BPNT1: variants seen among roughly 807,000 people sequenced by gnomAD.
BPNT1 encodes the protein 3'(2'),5'-bisphosphate nucleotidase 1.
BPNT1 carries 28 observed loss-of-function variants against 36.9 expected under a neutral mutation model. The observed-to-expected ratio is 0.76, with a 90% CI of 0.56 to 1.04. BPNT1 has a LOEUF of 1.04. Among genes scored for constraint, BPNT1 ranks in the 50% least tolerant of loss-of-function variants. The probability of loss-of-function intolerance (pLI) is 0.00; values close to 1 mark genes in which losing one functional copy is unlikely to be tolerated. For synonymous variants in BPNT1, 119 were observed against 130.9 expected (o/e 0.91, Z 0.62); for missense variants, 313 against 372.9 (o/e 0.84, Z 1.32).
intron 5 of BPNT1, among the ~76,000 whole-genome samples, chr1:220,068,779 T>C (rs1255482095): frequency 6.6e-6 from 1 of 152,164 alleles, no homozygotes; most frequent in African/African-American, 2.4e-5. Context: ...CACTGCACTC[T>C]AGCCTGGGCA....
At chr1:220,079,409 C>T (rs1456807919) in intron 2 of BPNT1, among the ~76,000 whole-genome samples, 2 of 152,086 alleles carry the variant, frequency 1.3e-5, no homozygotes, top group East Asian at 1.9e-4. Flanking sequence ...CTCGCCACCA[C>T]GCCTGGCTAA....
Position 220,074,050 on chromosome 1 carries a change from T to C in BPNT1, c.142A>G (p.Thr48Ala). The C allele has an allele frequency of 6.2e-7, 1 of 1,613,932 alleles. No individual in the cohort carries two copies. Among genetic ancestry groups the C allele is most frequent in the Non-Finnish European group, 8.5e-7 (1 of 1,179,974 alleles). ...VEKTCATDLQTKADRLAQMSI... is the reference protein window; with the variant it reads ...VEKTCATDLQAKADRLAQMSI... ...ATCTGTGCCAATCGGTCAGCTTTGG[T>C]CTGCAGGTCTGTTGCACAGGTCTGT... is the stretch of plus-strand genomic sequence containing the variant. The change falls in exon 3 of 9, where the codon ACC becomes GCC. Residue 48 changes from threonine to alanine, a missense_variant. Coordinates refer to ENST00000322067, the MANE Select transcript of BPNT1 (RefSeq NM_006085.6).
At chr1:220,084,027 T>C (rs1325828666) in intron 1 of BPNT1, among the ~76,000 whole-genome samples, 3 of 152,136 alleles carry the variant, frequency 2.0e-5, no homozygotes, top group African/African-American at 7.2e-5. Context: ...TCAGGAGCAC[T>C]TCAGATAGAA....
chr1:220,069,474 C>T (rs756114773), intron 4 of BPNT1, 42 bp from the exon 5 acceptor site: 4 of 1,487,748 alleles, frequency 2.7e-6, no homozygotes, highest in Non-Finnish European at 3.7e-6. Context: ...AAATCAAGCA[C>T]ACAAAATTCT....
At chr1:220,084,711 G>T (rs558520064) in intron 1 of BPNT1, among the ~76,000 whole-genome samples, 37 of 152,280 alleles carry the variant, frequency 2.4e-4, no homozygotes, top group African/African-American at 8.4e-4. Context: ...CAAGTCCATG[G>T]TGTTTTCTTC....
At chr1:220,059,545 G>A (rs1662830037) in intron 8 of BPNT1, 141 bp downstream of exon 8, 1 of 577,244 alleles carries the variant, frequency 1.7e-6, no homozygotes, top group Non-Finnish European at 2.9e-6. Flanking sequence ...CATATGAGGG[G>A]TTTGGACTGG....
chr1:220,085,049 A>T (rs1470582582), intron 1 of BPNT1, among the ~76,000 whole-genome samples: 1 of 152,020 alleles, frequency 6.6e-6, no homozygotes, highest in Non-Finnish European at 1.5e-5. Flanking sequence ...TTTTAAACAG[A>T]TGAATACAAT....
intron 1 of BPNT1, among the ~76,000 whole-genome samples, chr1:220,084,199 G>T (rs543780837): frequency 6.6e-6 from 1 of 152,024 alleles, no homozygotes; most frequent in Non-Finnish European, 1.5e-5. Flanking sequence ...GGGCGTGGTG[G>T]TGGGCACCTG....
intron 1 of BPNT1, among the ~76,000 whole-genome samples, chr1:220,080,562 C>T (rs1196648528): frequency 6.6e-6 from 1 of 152,186 alleles, no homozygotes; most frequent in Non-Finnish European, 1.5e-5. Context: ...ACCTTCTTCA[C>T]AAGGTGGCAG....
chr1:220,070,064 A>G (rs994832774), intron 4 of BPNT1, among the ~76,000 whole-genome samples: 1 of 152,228 alleles, frequency 6.6e-6, no homozygotes, highest in Non-Finnish European at 1.5e-5. Flanking sequence ...AAAACTTGTA[A>G]AGTGGCAAAA....
chr1:220,059,053 G>C (rs1571716815), intron 8 of BPNT1, 61 bp from the exon 9 acceptor site: 5 of 1,578,178 alleles, frequency 3.2e-6, no homozygotes, highest in East Asian at 2.3e-5. Flanking sequence ...GGTTTTTCTA[G>C]TTATTTTTAA....
At chr1:220,061,291 T>C (rs1023384583) in intron 7 of BPNT1, among the ~76,000 whole-genome samples, 15 of 152,184 alleles carry the variant, frequency 9.9e-5, no homozygotes, top group African/African-American at 3.6e-4. Flanking sequence ...AATGGTAACC[T>C]GCTATCAAAC....
chr1:220,084,288 C>T (rs149792067), intron 1 of BPNT1, among the ~76,000 whole-genome samples: 52 of 150,938 alleles, frequency 3.4e-4, no homozygotes, highest in African/African-American at 1.1e-3. Flanking sequence ...GCTGAGATTG[C>T]GGCCACTACA....
intron 7 of BPNT1, 76 bp downstream of exon 7, chr1:220,062,681 T>C (rs1663160798): frequency 6.6e-7 from 1 of 1,522,134 alleles, no homozygotes; most frequent in Non-Finnish European, 9.1e-7. Context: ...GCTAAACTCT[T>C]ATTTCATGTT....
intron 8 of BPNT1, among the ~76,000 whole-genome samples, chr1:220,059,238 C>A (rs967438264): frequency 1.1e-4 from 12 of 107,170 alleles, no homozygotes; most frequent in African/African-American, 1.7e-4. Flanking sequence ...TTAGCATTTT[C>A]TTTTCTTTTT....
At chr1:220,069,893 G>A (rs904807895) in intron 4 of BPNT1, among the ~76,000 whole-genome samples, 2 of 151,562 alleles carry the variant, frequency 1.3e-5, no homozygotes, top group African/African-American at 4.9e-5. Flanking sequence ...CAGAGATCGT[G>A]CCATTGCACT....
At chr1:220,071,721 C>T (rs529851981) in intron 4 of BPNT1, among the ~76,000 whole-genome samples, 1 of 152,240 alleles carries the variant, frequency 6.6e-6, no homozygotes, top group East Asian at 1.9e-4. Context: ...AAGTTTTGCT[C>T]TTGTCACCCA....
chr1:220,074,558 C>T (rs561117411), intron 2 of BPNT1, among the ~76,000 whole-genome samples: 3 of 151,768 alleles, frequency 2.0e-5, no homozygotes, highest in Non-Finnish European at 2.9e-5. Flanking sequence ...TACGGTGGCA[C>T]GATCTTAGCT....
chr1:220,082,119 G>T (rs1269667383), intron 1 of BPNT1, among the ~76,000 whole-genome samples: 1 of 141,220 alleles, frequency 7.1e-6, no homozygotes, highest in Admixed American at 7.2e-5. Flanking sequence ...GAGAGAGAGA[G>T]AGTGTATATA....
Sources: allele counts gnomAD v4.1 joint callset (sites outside exome capture counted in the v4.1 genomes callset), GRCh38; gene constraint gnomAD v4.1.1; transcripts MANE v1.5; gene names NCBI Gene and HGNC (gene_info 2026-07-23, HGNC 2026-07-21).